AKAP19: variants seen among roughly 807,000 people sequenced by gnomAD.
The protein encoded by AKAP19 is small A-kinase anchoring protein.
chr2:189,934,119 A>G, the AKAP19 span, among the ~76,000 whole-genome samples: 1 of 152,164 alleles, frequency 6.6e-6, no homozygotes, highest in African/African-American at 2.4e-5. Context: ...ATATTCAAAG[A>G]ATGTTGAGTC....
At chr2:190,080,208 G>T in the AKAP19 span, among the ~76,000 whole-genome samples, 2 of 152,138 alleles carry the variant, frequency 1.3e-5, no homozygotes, top group African/African-American at 4.8e-5. Context: ...AATATATTCA[G>T]TGTGACAGTT....
the AKAP19 span, among the ~76,000 whole-genome samples, chr2:190,134,859 C>G: frequency 3.3e-5 from 5 of 151,908 alleles, no homozygotes; most frequent in Non-Finnish European, 5.9e-5. Flanking sequence ...TGACTATGAA[C>G]AGTGATAAGT....
chr2:190,030,978 C>T, the AKAP19 span, among the ~76,000 whole-genome samples: 4 of 152,154 alleles, frequency 2.6e-5, no homozygotes, highest in South Asian at 8.3e-4. Flanking sequence ...TAAGGTGAGG[C>T]TCCATCAAAG....
the AKAP19 span, chr2:190,062,143 G>T: frequency 6.7e-7 from 1 of 1,499,216 alleles, no homozygotes; most frequent in Non-Finnish European, 9.2e-7. Flanking sequence ...GTTTAAAAGA[G>T]CCTGAAAATA....
the AKAP19 span, among the ~76,000 whole-genome samples, chr2:189,947,226 G>A: frequency 1.3e-5 from 2 of 152,124 alleles, no homozygotes; most frequent in African/African-American, 4.8e-5. Flanking sequence ...ACTAGTAACA[G>A]AAAGAAGATC....
chr2:190,118,490 C>G, the AKAP19 span, among the ~76,000 whole-genome samples: 1 of 152,196 alleles, frequency 6.6e-6, no homozygotes, highest in Non-Finnish European at 1.5e-5. Flanking sequence ...CAAACCAAAT[C>G]CAGCAGCACA....
chr2:190,088,041 A>C, the AKAP19 span, among the ~76,000 whole-genome samples: 1 of 152,284 alleles, frequency 6.6e-6, no homozygotes, highest in South Asian at 2.1e-4. Flanking sequence ...AATTACAGAG[A>C]TCATCCCTGA....
the AKAP19 span, among the ~76,000 whole-genome samples, chr2:190,067,707 T>A: frequency 0.019 from 2,884 of 152,280 alleles, 58 homozygotes; most frequent in African/African-American, 0.047. Context: ...GCAATCCTCA[T>A]AATAATGTCC....
chr2:189,924,060 G>T, the AKAP19 span: 14 of 1,537,242 alleles, frequency 9.1e-6, no homozygotes, highest in Middle Eastern at 3.4e-4. Context: ...GAGTCTGAGG[G>T]GGGTGCAGAT....
At chr2:190,060,433 C>A in the AKAP19 span, 1 of 1,608,938 alleles carries the variant, frequency 6.2e-7, no homozygotes, top group South Asian at 1.1e-5. Flanking sequence ...ATTAGAAAAT[C>A]AGCTATAAAT....
the AKAP19 span, among the ~76,000 whole-genome samples, chr2:189,958,679 T>C: frequency 6.7e-6 from 1 of 150,240 alleles, no homozygotes; most frequent in African/African-American, 2.4e-5. Flanking sequence ...CTGGGTAATA[T>C]AAAGAACCGA....
chr2:190,028,535 T>A, the AKAP19 span, among the ~76,000 whole-genome samples: 30,925 of 152,116 alleles, frequency 0.2, 3,381 homozygotes, highest in African/African-American at 0.29. Context: ...AACTACCTTT[T>A]TTTTTAACTG....
At chr2:190,160,283 C>G in the AKAP19 span, among the ~76,000 whole-genome samples, 1 of 152,154 alleles carries the variant, frequency 6.6e-6, no homozygotes, top group Non-Finnish European at 1.5e-5. Context: ...TATCCCCAAA[C>G]TCTACTCCTA....
chr2:189,903,183 T>C, the AKAP19 span, among the ~76,000 whole-genome samples: 1 of 152,018 alleles, frequency 6.6e-6, no homozygotes, highest in African/African-American at 2.4e-5. Flanking sequence ...GAATAATTTT[T>C]CTTGAGAGGT....
the AKAP19 span, among the ~76,000 whole-genome samples, chr2:189,911,155 A>C: frequency 6.6e-6 from 1 of 152,124 alleles, no homozygotes; most frequent in African/African-American, 2.4e-5. Context: ...AGAATTTACC[A>C]TATGGATAAC....
At chr2:190,037,608 G>A in the AKAP19 span, among the ~76,000 whole-genome samples, 1 of 152,150 alleles carries the variant, frequency 6.6e-6, no homozygotes, top group African/African-American at 2.4e-5. Flanking sequence ...AGTTTAAAAG[G>A]ACTAAGAAAA....
At chr2:190,191,746 T>C in the AKAP19 span, among the ~76,000 whole-genome samples, 1 of 152,232 alleles carries the variant, frequency 6.6e-6, no homozygotes. Context: ...TGTACTTATA[T>C]TTGCTATCTA....
the AKAP19 span, among the ~76,000 whole-genome samples, chr2:190,018,968 A>G: frequency 0.034 from 5,217 of 152,174 alleles, 284 homozygotes; most frequent in African/African-American, 0.12. Context: ...GCTGGACACC[A>G]CAATTGTCTC....
chr2:189,975,528 G>A, the AKAP19 span, among the ~76,000 whole-genome samples: 8 of 152,288 alleles, frequency 5.3e-5, no homozygotes, highest in African/African-American at 1.9e-4. Context: ...ATGTTGGCCT[G>A]CCTTACTAGG....
Sources: gnomAD v4.1 joint callset for allele counts (sites outside exome capture counted in the v4.1 genomes callset) on GRCh38, gnomAD v4.1.1 for gene constraint, MANE v1.5 for transcripts, NCBI Gene and HGNC (gene_info 2026-07-23, HGNC 2026-07-21) for gene names.